The following DESI2 variants were observed in gnomAD, a reference collection of about 807,000 sequenced individuals.
DESI2 encodes desumoylating isopeptidase 2.
A neutral mutation model predicts 24.1 loss-of-function variants in DESI2; 10 were observed. That is an observed-to-expected ratio of 0.41 (90% CI 0.26 to 0.70). DESI2 has a LOEUF of 0.70. Among genes scored for constraint, DESI2 ranks in the 30% least tolerant of loss-of-function variants. DESI2 has a pLI of 0.29. For missense variants in DESI2, 122 were observed against 234.9 expected (o/e 0.52, Z 3.14); for synonymous variants, 71 against 87.7 (o/e 0.81, Z 1.06).
intron 1 of DESI2, among the ~76,000 whole-genome samples, chr1:244,654,984 GGAA>G (rs1408663461): frequency 6.6e-6 from 1 of 152,294 alleles, no homozygotes; most frequent in Middle Eastern, 3.4e-3. Flanking sequence ...TGAGAATAGA[GGAA>G]GAGAGTTTTA....
At chr1:244,672,407 T>C (rs966147423) in intron 1 of DESI2, among the ~76,000 whole-genome samples, 2 of 152,174 alleles carry the variant, frequency 1.3e-5, no homozygotes, top group African/African-American at 2.4e-5. Context: ...GGAAGCTTCC[T>C]GAGACCCTCG....
rs1383032269 is a variant in DESI2 at position 244,706,663 on chromosome 1, C to CT, written c.*876dup. 1 of 152,576 alleles carries CT rather than the reference C, an allele frequency of 6.6e-6. No individual in the cohort carries two copies. The highest frequency in any genetic ancestry group is 1.5e-5 in the Non-Finnish European group (1 of 68,030). The allele number at this position is 152,576 out of a possible 1,614,324, so 9.5% of individuals were successfully genotyped here. A position where few individuals can be genotyped will look rare whatever the true frequency, so the allele number is the denominator to read the frequency against. ...GTGTGGGAATATCCTAAGTGGTAGCCTTCCAAGTAGCAGTGAGTTGACATT... is the reference window on the plus strand; with the variant it reads ...GTGTGGGAATATCCTAAGTGGTAGCCTTTCCAAGTAGCAGTGAGTTGACATT... On this transcript the variant is annotated 3_prime_UTR_variant, in exon 5 of 5. Coordinates refer to ENST00000302550, the MANE Select transcript of DESI2 (RefSeq NM_016076.5).
At chr1:244,661,583 C>T (rs1675845996) in intron 1 of DESI2, among the ~76,000 whole-genome samples, 1 of 151,970 alleles carries the variant, frequency 6.6e-6, no homozygotes, top group African/African-American at 2.4e-5. Context: ...CCACAGGCCC[C>T]AGTGTGTGAT....
intron 1 of DESI2, among the ~76,000 whole-genome samples, chr1:244,665,799 T>C (rs1454428758): frequency 6.6e-6 from 1 of 152,226 alleles, no homozygotes; most frequent in Non-Finnish European, 1.5e-5. Flanking sequence ...AGACCTACTC[T>C]GAAGATTTCA....
chr1:244,664,715 G>A (rs1675983214), intron 1 of DESI2, among the ~76,000 whole-genome samples: 1 of 152,088 alleles, frequency 6.6e-6, no homozygotes, highest in South Asian at 2.1e-4. Flanking sequence ...ATACAAATAG[G>A]ACCAAGCATA....
In DESI2 at chr1:244,708,395, T is replaced by C. The variant is rs1259165066; in HGVS notation, c.*2606T>C. 1 of 152,534 alleles carries C rather than the reference T, an allele frequency of 6.6e-6. No homozygotes were observed. The highest frequency in any genetic ancestry group is 2.4e-5 in the African/African-American group (1 of 41,410). 9.4% of individuals were successfully genotyped at this position (152,534 alleles called of 1,614,324 possible). A position where few individuals can be genotyped will look rare whatever the true frequency, so the allele number is the denominator to read the frequency against. Reference sequence around the variant, plus strand: ...TGTAGAAGGCAGTGGTGTATGATCTTAGCCTCGTCCTGATGCCTGAATCCA... The same window carrying C: ...TGTAGAAGGCAGTGGTGTATGATCTCAGCCTCGTCCTGATGCCTGAATCCA... On this transcript the variant is annotated 3_prime_UTR_variant, in exon 5 of 5. Transcript: ENST00000302550.
intron 4 of DESI2, among the ~76,000 whole-genome samples, chr1:244,703,263 A>G (rs1399386346): frequency 6.6e-6 from 1 of 152,040 alleles, no homozygotes; most frequent in East Asian, 1.9e-4. Flanking sequence ...CTGCCTCCCA[A>G]AGTGCTGGGA....
chr1:244,667,948 A>C (rs1180451670), intron 1 of DESI2, among the ~76,000 whole-genome samples: 2 of 152,216 alleles, frequency 1.3e-5, no homozygotes, highest in African/African-American at 2.4e-5. Context: ...TCCCTGACAT[A>C]ATTTACGTAT....
chr1:244,666,311 G>A (rs1305847207), intron 1 of DESI2, among the ~76,000 whole-genome samples: 3 of 152,198 alleles, frequency 2.0e-5, no homozygotes, highest in South Asian at 2.1e-4. Flanking sequence ...GAAACCTTCC[G>A]CTGTGTACTA....
intron 1 of DESI2, among the ~76,000 whole-genome samples, chr1:244,686,357 G>A (rs1676822681): frequency 6.6e-6 from 1 of 151,624 alleles, no homozygotes; most frequent in African/African-American, 2.4e-5. Context: ...GCTTTTAATT[G>A]TATTGCTTCC....
intron 1 of DESI2, among the ~76,000 whole-genome samples, chr1:244,682,766 G>A (rs1249228628): frequency 6.6e-6 from 1 of 152,062 alleles, no homozygotes; most frequent in Non-Finnish European, 1.5e-5. Context: ...GACAGGCGGG[G>A]GGCCAGATTG....
rs191439959 is a variant in DESI2 at position 244,683,481 on chromosome 1, T to G, written c.43-3116T>G. On this transcript the variant is annotated intron_variant, in intron 1 of 4. Transcript: ENST00000302550. ...TGCCCGCCATCACACCCGGCTAATTTTTTGTATTTTCAGTAGAGACAGGGT... is the reference window on the plus strand; with the variant it reads ...TGCCCGCCATCACACCCGGCTAATTGTTTGTATTTTCAGTAGAGACAGGGT... 2.3e-3 allele frequency among the ~76,000 whole-genome samples: 351 copies of G among 151,966 alleles called. 1 individual carries two copies. The highest frequency in any genetic ancestry group is 7.9e-3 in the African/African-American group (329 of 41,428).
chr1:244,681,075 T>C (rs181106367), intron 1 of DESI2, among the ~76,000 whole-genome samples: 96 of 152,242 alleles, frequency 6.3e-4, no homozygotes, highest in African/African-American at 2.1e-3. Context: ...TGAAAACTGC[T>C]TTAGGCCAGC....
At chr1:244,654,932 A>G (rs774028432) in intron 1 of DESI2, among the ~76,000 whole-genome samples, 12 of 152,216 alleles carry the variant, frequency 7.9e-5, no homozygotes, top group African/African-American at 1.2e-4. Flanking sequence ...TTAGGAGTAT[A>G]CAGTGGCCAG....
intron 4 of DESI2, among the ~76,000 whole-genome samples, chr1:244,697,621 C>T (rs1460260980): frequency 1.3e-5 from 2 of 151,994 alleles, no homozygotes; most frequent in Non-Finnish European, 2.9e-5. Context: ...TAAAAGTTAC[C>T]TGTCGAATTT....
At chr1:244,661,234 C>T (rs943699701) in intron 1 of DESI2, among the ~76,000 whole-genome samples, 2 of 152,170 alleles carry the variant, frequency 1.3e-5, no homozygotes, top group African/African-American at 4.8e-5. Flanking sequence ...GTGCATTTGA[C>T]TAGATAACCT....
Position 244,689,450 on chromosome 1 carries a change from GTC to G in DESI2, c.209+112_209+113del. The G allele has an allele frequency of 1.7e-6, 1 of 594,428 alleles. No individual in the cohort carries two copies. The highest frequency in any genetic ancestry group is 3.0e-6 in the Non-Finnish European group (1 of 330,664). The allele number at this position is 594,428 out of a possible 1,614,324, so 36.8% of individuals were successfully genotyped here. A position where few individuals can be genotyped will look rare whatever the true frequency, so the allele number is the denominator to read the frequency against. ...AAAACAAACCCAAGAAGTTAAAAAT[GTC>G]TCTTTGTTTTAATTGCTGACATTTT... On this transcript the variant is annotated intron_variant, in intron 3 of 4. Transcript: ENST00000302550. This position sits in a 1 kb window ranked among gnomAD's most constrained non-coding sequence, Gnocchi z 4.0.
intron 4 of DESI2, 27 bp from the exon 5 acceptor site, chr1:244,705,529 T>A (rs747416996): frequency 1.3e-6 from 2 of 1,590,594 alleles, no homozygotes; most frequent in Non-Finnish European, 1.7e-6. Flanking sequence ...CTCTCTTACC[T>A]AATACAGAAC....
Position 244,705,987 on chromosome 1 carries a change from T to C in DESI2, c.*198T>C, listed in dbSNP as rs1677684225. The C allele has an allele frequency of 8.8e-6, 5 of 565,322 alleles. No individual in the cohort carries two copies. The highest frequency in any genetic ancestry group is 8.8e-5 in the South Asian group (4 of 45,482). 35.0% of individuals were successfully genotyped at this position (565,322 alleles called of 1,614,324 possible). A position where few individuals can be genotyped will look rare whatever the true frequency, so the allele number is the denominator to read the frequency against. On this transcript the variant is annotated 3_prime_UTR_variant, in exon 5 of 5. Coordinates refer to ENST00000302550, the MANE Select transcript of DESI2 (RefSeq NM_016076.5). ...CAGGAGGGAGAACTTTGTAAGAAGC[T>C]GCCCTCTGTTTTTTTTATCCACTCG...
Sources: allele counts gnomAD v4.1 joint callset (sites outside exome capture counted in the v4.1 genomes callset), GRCh38; gene constraint gnomAD v4.1.1; non-coding constraint Gnocchi (gnomAD v3.1); transcripts MANE v1.5; gene names NCBI Gene and HGNC (gene_info 2026-07-23, HGNC 2026-07-21).